Variants in LEKR1 observed in about 807,000 individuals in gnomAD.
LEKR1 encodes leucine, glutamate and lysine rich 1.
In LEKR1, 59 loss-of-function variants were observed where a neutral mutation model predicts 72.4. The ratio of observed to expected loss-of-function variants is 0.82; its 90% CI spans 0.66 to 1.01. LEKR1 has a LOEUF of 1.01. Ranked by LOEUF, LEKR1 falls within the 50% of genes least tolerant of loss-of-function variation. LEKR1 has a pLI of 0.00. For missense variants in LEKR1, 728 were observed against 759.2 expected (o/e 0.96, Z 0.48); for synonymous variants, 257 against 263.2 (o/e 0.98, Z 0.23).
intron 9 of LEKR1, among the ~76,000 whole-genome samples, chr3:157,003,050 T>C (rs1023184547): frequency 1.3e-5 from 2 of 152,198 alleles, no homozygotes; most frequent in African/African-American, 4.8e-5. Context: ...TAAAGGTAGC[T>C]TCTAATGTAT....
chr3:156,836,957 C>T (rs1158970959), intron 2 of LEKR1, among the ~76,000 whole-genome samples: 2 of 152,152 alleles, frequency 1.3e-5, no homozygotes, highest in Non-Finnish European at 2.9e-5. Flanking sequence ...CTGGGGCAGT[C>T]ATTTTCAAGC....
At chr3:156,836,962 T>C (rs182364297) in intron 2 of LEKR1, among the ~76,000 whole-genome samples, 1 of 152,358 alleles carries the variant, frequency 6.6e-6, no homozygotes, top group African/African-American at 2.4e-5. Context: ...GCAGTCATTT[T>C]CAAGCTTGTA....
chr3:157,006,871 TA>T (rs34626361), intron 9 of LEKR1, among the ~76,000 whole-genome samples: 77,239 of 151,836 alleles, frequency 0.51, 22,601 homozygotes, highest in South Asian at 0.78. Context: ...GAAACCAAAG[TA>T]TTGATTGCCT....
intron 3 of LEKR1, 87 bp downstream of exon 3, chr3:156,853,069 T>G (rs1471160673): frequency 1.2e-6 from 1 of 814,856 alleles, no homozygotes; most frequent in Non-Finnish European, 1.9e-6. Flanking sequence ...TTCTAAAATT[T>G]CTCTACATCA....
chr3:157,006,047 G>A (rs1012131394), intron 9 of LEKR1, among the ~76,000 whole-genome samples: 2 of 149,656 alleles, frequency 1.3e-5, no homozygotes, highest in East Asian at 1.9e-4. Context: ...CGCCCAGGCC[G>A]GACTGCGGAC....
At chr3:156,839,779 A>G (rs1200179617) in intron 2 of LEKR1, among the ~76,000 whole-genome samples, 1 of 152,256 alleles carries the variant, frequency 6.6e-6, no homozygotes, top group Non-Finnish European at 1.5e-5. Flanking sequence ...CTTCTTTTAC[A>G]ACATGAACCT....
chr3:156,877,520 TC>T (rs1243372276), intron 3 of LEKR1, among the ~76,000 whole-genome samples: 1 of 152,142 alleles, frequency 6.6e-6, no homozygotes, highest in African/African-American at 2.4e-5. Context: ...GTTCAGAGTT[TC>T]TATTTCTTCC....
chr3:156,982,712 C>T (rs1338590180), intron 7 of LEKR1, among the ~76,000 whole-genome samples: 1 of 151,976 alleles, frequency 6.6e-6, no homozygotes, highest in African/African-American at 2.4e-5. Context: ...ACTATAATAT[C>T]TAGATTAATT....
chr3:156,845,932 G>A (rs1472338558), intron 2 of LEKR1, among the ~76,000 whole-genome samples: 1 of 152,016 alleles, frequency 6.6e-6, no homozygotes, highest in Non-Finnish European at 1.5e-5. Flanking sequence ...ACTATTTTGA[G>A]TCTTCCAAAC....
chr3:156,929,363 G>A (rs1725000553), intron 5 of LEKR1, among the ~76,000 whole-genome samples: 1 of 151,966 alleles, frequency 6.6e-6, no homozygotes, highest in African/African-American at 2.4e-5. Context: ...AAATAGCTGA[G>A]CACCTACTGG....
chr3:156,937,152 T>TA (rs940718389), intron 5 of LEKR1, among the ~76,000 whole-genome samples: 3 of 149,490 alleles, frequency 2.0e-5, no homozygotes, highest in Non-Finnish European at 3.0e-5. Context: ...AACCCTGTCC[T>TA]AAAAAAAACA....
At chr3:156,910,772 G>A (rs976944814) in intron 3 of LEKR1, among the ~76,000 whole-genome samples, 5 of 152,124 alleles carry the variant, frequency 3.3e-5, no homozygotes, top group African/African-American at 4.8e-5. Context: ...GGTTGATTCC[G>A]TGTCTTTGCT....
intron 12 of LEKR1, among the ~76,000 whole-genome samples, chr3:157,037,321 G>C (rs1735032795): frequency 6.6e-6 from 1 of 151,974 alleles, no homozygotes; most frequent in African/African-American, 2.4e-5. Context: ...TTACTTTTTA[G>C]CTATATGTAA....
intron 2 of LEKR1, among the ~76,000 whole-genome samples, chr3:156,831,918 CA>C (rs1372396872): frequency 6.6e-6 from 1 of 152,086 alleles, no homozygotes; most frequent in Non-Finnish European, 1.5e-5. Context: ...ACAATTTTTG[CA>C]AAGACAGTTT....
chr3:157,013,639 A>G (rs1053913111), intron 10 of LEKR1, among the ~76,000 whole-genome samples: 1 of 152,090 alleles, frequency 6.6e-6, no homozygotes, highest in East Asian at 1.9e-4. Flanking sequence ...AAATGTTATC[A>G]TTTAGCTAGC....
intron 5 of LEKR1, among the ~76,000 whole-genome samples, chr3:156,932,364 A>C (rs1183267225): frequency 6.6e-6 from 1 of 152,242 alleles, no homozygotes; most frequent in Admixed American, 6.5e-5. Context: ...TTAAATTTGA[A>C]ATTTAACTTT....
At chr3:156,907,232 G>C (rs1722614390) in intron 3 of LEKR1, among the ~76,000 whole-genome samples, 1 of 151,956 alleles carries the variant, frequency 6.6e-6, no homozygotes, top group Non-Finnish European at 1.5e-5. Flanking sequence ...CTTTAACATT[G>C]ATGAAGATCA....
chr3:156,971,944 G>C (rs1215963508), intron 6 of LEKR1, among the ~76,000 whole-genome samples: 1 of 152,056 alleles, frequency 6.6e-6, no homozygotes, highest in Non-Finnish European at 1.5e-5. Context: ...TATTCCTCAG[G>C]GATCTAGAAC....
chr3:156,850,151 G>T (rs1288126443), intron 2 of LEKR1, among the ~76,000 whole-genome samples: 1 of 151,842 alleles, frequency 6.6e-6, no homozygotes, highest in African/African-American at 2.4e-5. Flanking sequence ...AAAAAAACAC[G>T]TGAAAAAATG....
Sources: gnomAD v4.1 joint callset for allele counts (sites outside exome capture counted in the v4.1 genomes callset) on GRCh38, gnomAD v4.1.1 for gene constraint, MANE v1.5 for transcripts, NCBI Gene and HGNC (gene_info 2026-07-23, HGNC 2026-07-21) for gene names.